Variants in NELL2 observed in about 807,000 individuals in gnomAD.
NELL2 encodes protein kinase C-binding protein NELL2.
In NELL2, 41 loss-of-function variants were observed where a neutral mutation model predicts 109.6. The ratio of observed to expected loss-of-function variants is 0.37; its 90% CI spans 0.29 to 0.49. The LOEUF (loss-of-function observed/expected upper bound fraction) is 0.49, where lower values mean the gene tolerates loss of function less well. Ranked by LOEUF, NELL2 falls within the 20% of genes least tolerant of loss-of-function variation. The pLI, the probability that NELL2 is intolerant of heterozygous loss-of-function variation, is 0.98. For synonymous variants in NELL2, 355 were observed against 344.7 expected (o/e 1.03, Z -0.33); for missense variants, 900 against 1,008.3 (o/e 0.89, Z 1.45).
At chr12:44,695,758 T>C (rs772816765) in intron 12 of NELL2, among the ~76,000 whole-genome samples, 75 of 152,026 alleles carry the variant, frequency 4.9e-4, no homozygotes, top group Non-Finnish European at 7.6e-4. Context: ...AATAAGATCA[T>C]ATATATGACC....
chr12:44,619,739 C>T (rs1407814683), intron 13 of NELL2, among the ~76,000 whole-genome samples: 2 of 151,786 alleles, frequency 1.3e-5, no homozygotes, highest in Non-Finnish European at 2.9e-5. Context: ...TGCTAAGTAA[C>T]GTATACATGC....
At chr12:44,644,061 T>TA (rs1946960656) in intron 13 of NELL2, among the ~76,000 whole-genome samples, 1 of 152,108 alleles carries the variant, frequency 6.6e-6, no homozygotes, top group African/African-American at 2.4e-5. Context: ...GTCTCAAACT[T>TA]ACAGTTACTA....
intron 12 of NELL2, among the ~76,000 whole-genome samples, chr12:44,669,625 G>GACT (rs1948068590): frequency 6.6e-6 from 1 of 151,882 alleles, no homozygotes; most frequent in African/African-American, 2.4e-5. Context: ...TTCAACAATA[G>GACT]ACTAGATCAA....
chr12:44,598,831 T>G (rs796231108), intron 15 of NELL2, among the ~76,000 whole-genome samples: 7 of 136,520 alleles, frequency 5.1e-5, no homozygotes, highest in African/African-American at 1.9e-4. Context: ...GGCCTGCCCC[T>G]CAGTTTAAGA....
intron 12 of NELL2, among the ~76,000 whole-genome samples, chr12:44,674,825 C>T (rs1363280784): frequency 6.6e-6 from 1 of 152,052 alleles, no homozygotes; most frequent in Non-Finnish European, 1.5e-5. Flanking sequence ...AAGTAATCTA[C>T]CCAGTCCAAA....
intron 3 of NELL2, among the ~76,000 whole-genome samples, chr12:44,794,383 A>G (rs61930962): frequency 0.13 from 19,765 of 152,154 alleles, 1,402 homozygotes; most frequent in South Asian, 0.2. Context: ...TTCTCTTGGT[A>G]CAATTGGAGG....
intron 9 of NELL2, among the ~76,000 whole-genome samples, chr12:44,717,920 A>T (rs1312229940): frequency 3.3e-5 from 5 of 152,178 alleles, no homozygotes; most frequent in Admixed American, 2.0e-4. Context: ...CAGAGGACAA[A>T]GAATGGAAAT....
chr12:44,753,348 C>T (rs1421733820), intron 9 of NELL2, among the ~76,000 whole-genome samples: 1 of 152,210 alleles, frequency 6.6e-6, no homozygotes, highest in African/African-American at 2.4e-5. Flanking sequence ...CCCTTGACTA[C>T]TGCCTAGTAC....
chr12:44,747,742 T>A (rs1940455201), intron 9 of NELL2, among the ~76,000 whole-genome samples: 1 of 152,148 alleles, frequency 6.6e-6, no homozygotes, highest in African/African-American at 2.4e-5. Context: ...ATTACCCATG[T>A]GCTGTTGCCA....
chr12:44,599,960 G>GT (rs35401385), intron 15 of NELL2, among the ~76,000 whole-genome samples: 15,831 of 111,304 alleles, frequency 0.14, 1,840 homozygotes, highest in East Asian at 0.31. Context: ...CTAGAATTCC[G>GT]TTTTTTTTTT....
At position 44,554,513 on chromosome 12, in the gene NELL2, A is replaced by G. The variant is rs1323330200; in HGVS notation, c.1664-21792T>C. Among the ~76,000 whole-genome samples the G allele has an allele frequency of 2.0e-5, 3 of 152,164 alleles. No homozygotes were observed. In the South Asian group the frequency reaches 6.2e-4, roughly 32 times the overall value. On this transcript the variant is annotated intron_variant, in intron 15 of 19. Coordinates refer to ENST00000429094, the MANE Select transcript of NELL2 (RefSeq NM_001145108.2). ...CATGAAAATTTTGGCGATAATGGAT[A>G]TGTTCGCTAGTTTGATTGTGATGAT...
intron 3 of NELL2, among the ~76,000 whole-genome samples, chr12:44,815,101 C>T (rs1943298453): frequency 6.6e-6 from 1 of 152,108 alleles, no homozygotes; most frequent in African/African-American, 2.4e-5. Flanking sequence ...TTATTCTTTC[C>T]AGAAGGAATA....
intron 9 of NELL2, among the ~76,000 whole-genome samples, chr12:44,771,103 TA>T (rs1199786408): frequency 6.6e-6 from 1 of 152,154 alleles, no homozygotes; most frequent in African/African-American, 2.4e-5. Context: ...CTAAAATATT[TA>T]TACTTTCCAT....
At chr12:44,777,377 G>A (rs986130148) in intron 5 of NELL2, 63 bp from the exon 6 acceptor site, 14 of 1,325,842 alleles carry the variant, frequency 1.1e-5, no homozygotes, top group Non-Finnish European at 1.5e-5. Flanking sequence ...ATGTTCAATG[G>A]TCAAGTTCAT....
At chr12:44,598,883 A>ACACACACACACT (rs1265603008) in intron 15 of NELL2, among the ~76,000 whole-genome samples, 332 of 144,016 alleles carry the variant, frequency 2.3e-3, no homozygotes, top group African/African-American at 4.0e-3. Context: ...ACACACACAC[A>ACACACACACACT]CTCTCTCTCT....
chr12:44,830,493 C>A (rs1943852145), intron 2 of NELL2, among the ~76,000 whole-genome samples: 2 of 152,126 alleles, frequency 1.3e-5, no homozygotes, highest in South Asian at 4.1e-4. Context: ...AGTATTTTCA[C>A]TGCAAGAAAG....
chr12:44,511,794 TTCTA>T (rs1941012378), intron 19 of NELL2, among the ~76,000 whole-genome samples: 1 of 152,162 alleles, frequency 6.6e-6, no homozygotes, highest in South Asian at 2.1e-4. Flanking sequence ...TTCCTTAGAC[TTCTA>T]TCTCTCACCA....
intron 3 of NELL2, among the ~76,000 whole-genome samples, chr12:44,797,199 T>C (rs954572271): frequency 6.6e-6 from 1 of 152,068 alleles, no homozygotes; most frequent in Non-Finnish European, 1.5e-5. Flanking sequence ...TCTCATTATC[T>C]CAACTCAGTT....
chr12:44,508,940 T>C lies in NELL2; in HGVS notation c.2445A>G (p.Glu815=). 1.2e-6 allele frequency: 2 copies of C among 1,612,380 alleles called. No individual in the cohort carries two copies. The highest frequency in any genetic ancestry group is 1.3e-5 in the African/African-American group (1 of 74,954). ...CCSVDPQCLQ[E]L ...TCCCATGAGACAGTTAACTTCACAG[T>C]TCCTGAAGGCACTGTGGATCCACTG... Residue 815 remains glutamate, a synonymous_variant, in exon 20 of 20, where the codon GAA becomes GAG. Coordinates refer to ENST00000429094, the MANE Select transcript of NELL2 (RefSeq NM_001145108.2).
Sources: gnomAD v4.1 joint callset for allele counts (sites outside exome capture counted in the v4.1 genomes callset) on GRCh38, gnomAD v4.1.1 for gene constraint, MANE v1.5 for transcripts, NCBI Gene and HGNC (gene_info 2026-07-23, HGNC 2026-07-21) for gene names.